The following PLPPR1 variants were observed in gnomAD, a reference collection of about 807,000 sequenced individuals.
PLPPR1 encodes the protein phospholipid phosphatase related 1.
A neutral mutation model predicts 33.1 loss-of-function variants in PLPPR1; 10 were observed. The ratio of observed to expected loss-of-function variants is 0.30; its 90% CI spans 0.19 to 0.51. The LOEUF (loss-of-function observed/expected upper bound fraction) is 0.51, where lower values mean the gene tolerates loss of function less well. Among genes scored for constraint, PLPPR1 ranks in the 20% least tolerant of loss-of-function variants. The probability of loss-of-function intolerance (pLI) is 0.97; values close to 1 mark genes in which losing one functional copy is unlikely to be tolerated. For missense variants in PLPPR1, 304 were observed against 408.1 expected, an observed-to-expected ratio of 0.74 and a Z score of 2.20; for synonymous variants, 151 against 151.0, an observed-to-expected ratio of 1.00 and a Z score of 0.00.
chr9:101,165,801 A>G (rs966713744), intron 1 of PLPPR1, among the ~76,000 whole-genome samples: 2 of 152,190 alleles, frequency 1.3e-5, no homozygotes, highest in African/African-American at 4.8e-5. Context: ...AATAAGGAAA[A>G]GCATTTTGAC....
At chr9:101,059,924 T>C (rs1830324215) in intron 1 of PLPPR1, among the ~76,000 whole-genome samples, 1 of 152,018 alleles carries the variant, frequency 6.6e-6, no homozygotes, top group African/African-American at 2.4e-5. Context: ...TTAAAAATTA[T>C]CTAAAAATAG....
chr9:101,211,439 A>C (rs989132207), intron 2 of PLPPR1, among the ~76,000 whole-genome samples: 10 of 152,246 alleles, frequency 6.6e-5, no homozygotes, highest in Non-Finnish European at 1.2e-4. Flanking sequence ...AGTGACTGAG[A>C]TATCTAAGAC....
At chr9:101,095,614 G>A (rs1317537353) in intron 1 of PLPPR1, among the ~76,000 whole-genome samples, 1 of 151,954 alleles carries the variant, frequency 6.6e-6, no homozygotes, top group Non-Finnish European at 1.5e-5. Context: ...AAAGCTTCAG[G>A]GTAGGCATTA....
chr9:101,106,003 T>C (rs1157183911), intron 1 of PLPPR1, among the ~76,000 whole-genome samples: 3 of 149,578 alleles, frequency 2.0e-5, no homozygotes, highest in Non-Finnish European at 4.5e-5. Flanking sequence ...ATTGGCTTGG[T>C]AGATCTTCCT....
intron 4 of PLPPR1, among the ~76,000 whole-genome samples, chr9:101,307,666 C>T (rs115865417): frequency 9.3e-4 from 142 of 152,244 alleles, no homozygotes; most frequent in African/African-American, 3.1e-3. Context: ...GAAAACCAGA[C>T]GAAGGTTTCA....
intron 6 of PLPPR1, among the ~76,000 whole-genome samples, chr9:101,316,792 G>T (rs1211442341): frequency 6.6e-6 from 1 of 152,050 alleles, no homozygotes; most frequent in Admixed American, 6.5e-5. Flanking sequence ...ACTATCTAAG[G>T]TAAGAGTTAA....
chr9:101,312,524 G>A (rs923963818), intron 5 of PLPPR1, among the ~76,000 whole-genome samples: 6 of 152,078 alleles, frequency 3.9e-5, no homozygotes, highest in Admixed American at 6.5e-5. Context: ...TCGTTAATGC[G>A]TTCTTTGTGT....
At chr9:101,052,508 G>A (rs904067418) in intron 1 of PLPPR1, among the ~76,000 whole-genome samples, 3 of 152,136 alleles carry the variant, frequency 2.0e-5, no homozygotes, top group South Asian at 2.1e-4. Context: ...ACAATCAAGG[G>A]CATCTAGGGC....
chr9:101,095,411 G>A (rs1315306297), intron 1 of PLPPR1, among the ~76,000 whole-genome samples: 4 of 152,114 alleles, frequency 2.6e-5, no homozygotes, highest in African/African-American at 9.7e-5. Context: ...GATCTTTCTT[G>A]AGACTGTGAT....
chr9:101,213,772 G>A (rs1321986297), intron 2 of PLPPR1, among the ~76,000 whole-genome samples: 1 of 151,948 alleles, frequency 6.6e-6, no homozygotes, highest in Non-Finnish European at 1.5e-5. Flanking sequence ...AATACACTGT[G>A]AAAAAAACAG....
intron 1 of PLPPR1, among the ~76,000 whole-genome samples, chr9:101,051,048 T>G (rs1830216004): frequency 6.6e-6 from 1 of 152,156 alleles, no homozygotes; most frequent in African/African-American, 2.4e-5. Flanking sequence ...CCTCTATTAC[T>G]TCTTATTTTC....
At chr9:101,112,958 A>AT (rs554455321) in intron 1 of PLPPR1, among the ~76,000 whole-genome samples, 298 of 152,300 alleles carry the variant, frequency 2.0e-3, no homozygotes, top group Non-Finnish European at 3.2e-3. Flanking sequence ...AGTGAACATG[A>AT]TTTGCAGCTT....
intron 3 of PLPPR1, among the ~76,000 whole-genome samples, chr9:101,271,474 C>T (rs1332483519): frequency 1.3e-5 from 2 of 152,196 alleles, no homozygotes; most frequent in African/African-American, 2.4e-5. Context: ...ATTAAGACCT[C>T]TTCTCTCCAA....
At chr9:101,286,029 T>C in intron 3 of PLPPR1, 75 bp from the exon 4 acceptor site, 1 of 1,246,512 alleles carries the variant, frequency 8.0e-7, no homozygotes, top group Non-Finnish European at 1.1e-6. Flanking sequence ...ACAGTTTTGT[T>C]TTGTTTTTAA....
intron 1 of PLPPR1, among the ~76,000 whole-genome samples, chr9:101,100,465 G>C (rs528657615): frequency 2.6e-5 from 4 of 152,114 alleles, no homozygotes; most frequent in African/African-American, 9.6e-5. Context: ...TATTGGAACT[G>C]TCTGCCTTTG....
intron 2 of PLPPR1, among the ~76,000 whole-genome samples, chr9:101,197,535 A>T (rs1177071504): frequency 2.0e-5 from 3 of 152,210 alleles, no homozygotes; most frequent in African/African-American, 7.2e-5. Context: ...ATGGCAATAG[A>T]TATTGCAGGC....
intron 1 of PLPPR1, among the ~76,000 whole-genome samples, chr9:101,062,368 C>A (rs1248830826): frequency 6.6e-6 from 1 of 151,992 alleles, no homozygotes; most frequent in Non-Finnish European, 1.5e-5. Flanking sequence ...GCAAATGGGG[C>A]TCATTGATTG....
chr9:101,043,353 A>G (rs557470983), intron 1 of PLPPR1, among the ~76,000 whole-genome samples: 1 of 151,454 alleles, frequency 6.6e-6, no homozygotes, highest in Admixed American at 6.6e-5. Context: ...ATACATGTGT[A>G]TGTGTATGTA....
intron 1 of PLPPR1, among the ~76,000 whole-genome samples, chr9:101,182,023 A>G (rs1826123352): frequency 6.6e-6 from 1 of 151,376 alleles, no homozygotes; most frequent in African/African-American, 2.4e-5. Flanking sequence ...TAGTGTTACT[A>G]TACTATTTGG....
Sources: gnomAD v4.1 joint callset for allele counts (sites outside exome capture counted in the v4.1 genomes callset) on GRCh38, gnomAD v4.1.1 for gene constraint, MANE v1.5 for transcripts, NCBI Gene and HGNC (gene_info 2026-07-23, HGNC 2026-07-21) for gene names.